COL18A1: variants seen among roughly 807,000 people sequenced by gnomAD.
The protein encoded by COL18A1 is collagen type XVIII alpha 1 chain.
Under a neutral mutation model 168.0 loss-of-function variants are expected in COL18A1, and 133 were observed. That is an observed-to-expected ratio of 0.79 (90% confidence interval 0.69 to 0.91). The LOEUF is 0.91. Ranked by LOEUF, COL18A1 falls within the 40% of genes least tolerant of loss-of-function variation. The pLI is 0.00. For synonymous variants in COL18A1, 949 were observed against 809.0 expected (o/e 1.17, Z -2.94); for missense variants, 2,126 against 1,925.4 (o/e 1.10, Z -1.95).
At chr21:45,505,328 C>T (rs763058687) in intron 35 of COL18A1, 30 bp from the exon 36 acceptor site, 58 of 1,595,452 alleles carry the variant, frequency 3.6e-5, no homozygotes, top group Non-Finnish European at 4.7e-5. Flanking sequence ...CGTGTGGCTT[C>T]GTGTTCCCAC....
chr21:45,486,739 A>C, intron 15 of COL18A1, 122 bp from the exon 16 acceptor site: 1 of 1,126,720 alleles, frequency 8.9e-7, no homozygotes, highest in Non-Finnish European at 1.2e-6. Flanking sequence ...GCTTGGCAGA[A>C]TGTTCCTTAC....
chr21:45,503,642 G>T (rs1486958433), intron 32 of COL18A1, among the ~76,000 whole-genome samples: 3 of 118,514 alleles, frequency 2.5e-5, no homozygotes, highest in South Asian at 7.3e-4. Flanking sequence ...GTTGTGGGGT[G>T]GGGGGAGGGG....
At chr21:45,506,336 C>T in intron 37 of COL18A1, 3 of 359,592 alleles carry the variant, frequency 8.3e-6, no homozygotes, top group East Asian at 7.1e-5. Flanking sequence ...GTGACGTCCA[C>T]AGCACGGCCC....
At chr21:45,504,591 C>G in intron 34 of COL18A1, 35 bp downstream of exon 34, 1 of 1,550,196 alleles carries the variant, frequency 6.5e-7, no homozygotes, top group Non-Finnish European at 8.7e-7. Flanking sequence ...AGCCCATGTC[C>G]CAGGGGTCTG....
At chr21:45,511,056 ACACCCAT>A in intron 40 of COL18A1, 48 bp from the exon 41 acceptor site, 1 of 556,160 alleles carries the variant, frequency 1.8e-6, no homozygotes, top group African/African-American at 3.2e-5. Context: ...ACAAACACCC[ACACCCAT>A]CCACACCCCC....
chr21:45,443,157 G>A lies in COL18A1; in HGVS notation c.107-25085G>A, dbSNP rs1041463410. 2.7e-5 allele frequency among the ~76,000 whole-genome samples: 4 copies of A among 146,664 alleles called. No individual in the cohort carries two copies. Among genetic ancestry groups the A allele is most frequent in the African/African-American group, 5.0e-5 (2 of 40,084 alleles). The stretch of plus-strand genomic sequence containing the variant: ...GGGCGGCGGTGCTGGTGTGGGCGGC[G>A]GTGCTGGTGTGGGTGGATTCCTGGA... On this transcript the variant is annotated intron_variant, in intron 2 of 41. Transcript: ENST00000651438. This position sits in a 1 kb window ranked among gnomAD's most constrained non-coding sequence, Gnocchi z 5.2.
At chr21:45,407,044 G>A (rs1339186314) in intron 2 of COL18A1, among the ~76,000 whole-genome samples, 1 of 150,978 alleles carries the variant, frequency 6.6e-6, no homozygotes, top group Non-Finnish European at 1.5e-5. Flanking sequence ...AGGCTGAAGC[G>A]GAAGCAGGCC....
At chr21:45,428,903 CTTT>C (rs35500358) in intron 2 of COL18A1, among the ~76,000 whole-genome samples, 1 of 145,544 alleles carries the variant, frequency 6.9e-6, no homozygotes. Flanking sequence ...TCTTTCTTTT[CTTT>C]TTTTTTTTTT....
chr21:45,421,394 G>A (rs1346394544), intron 2 of COL18A1: 2 of 533,562 alleles, frequency 3.7e-6, no homozygotes, highest in South Asian at 1.4e-5. Context: ...GCACTGCGGT[G>A]CCTGGAGAGC....
chr21:45,473,796 GC>G lies in COL18A1; in HGVS notation c.652-96del. The G allele has an allele frequency of 4.1e-6, 4 of 978,730 alleles. No homozygotes were observed. In the Admixed American group the frequency reaches 6.0e-5, roughly 15 times the overall value. 60.6% of individuals were successfully genotyped at this position (978,730 alleles called of 1,614,324 possible). A position where few individuals can be genotyped will look rare whatever the true frequency, so the allele number is the denominator to read the frequency against. ...CCCCTTCCCTCTCCGAGACTCTCCT[GC>G]CCTTTGTGGGCCCCCCGAAATCTGG... On this transcript the variant is annotated intron_variant, in intron 3 of 41. Coordinates refer to ENST00000651438, the MANE Select transcript of COL18A1 (RefSeq NM_001379500.1). The surrounding 1 kb of genome is among the most constrained non-coding windows in gnomAD (Gnocchi z 4.0).
intron 2 of COL18A1, among the ~76,000 whole-genome samples, chr21:45,418,266 C>T (rs2033504001): frequency 6.6e-6 from 1 of 152,206 alleles, no homozygotes; most frequent in Non-Finnish European, 1.5e-5. Context: ...TGCATCCCGG[C>T]CCCCGGCTGC....
In COL18A1 at chr21:45,447,365, G is replaced by A. The variant is rs117307749; in HGVS notation, c.107-20877G>A. Among the ~76,000 whole-genome samples, 42 of 151,680 alleles carry A rather than the reference G, an allele frequency of 2.8e-4. No homozygotes were observed. In the East Asian group the frequency reaches 4.8e-3, roughly 17 times the overall value. On this transcript the variant is annotated intron_variant, in intron 2 of 41. Coordinates refer to ENST00000651438, the MANE Select transcript of COL18A1 (RefSeq NM_001379500.1). ...ATAAATGAGCTCAACAAGGTTGCAG[G>A]GTATAAAATCAGTATAGAAAAATCT...
In COL18A1 at chr21:45,495,438, T is replaced by A. The variant is rs1341066491; in HGVS notation, c.2508+6T>A. On this transcript the variant is annotated splice_donor_region_variant and intron_variant, in intron 29 of 41. Transcript: ENST00000651438. ...GCCTTGGATTTGGCATGAGGGTGAG[T>A]GTCTCTCAAGGGGCGGACTGGGTGG... 1.9e-6 allele frequency: 3 copies of A among 1,604,700 alleles called. No individual in the cohort carries two copies. In the South Asian group the frequency reaches 3.3e-5, roughly 18 times the overall value.
intron 2 of COL18A1, 95 bp downstream of exon 2, chr21:45,405,568 G>C (rs945129216): frequency 1.3e-6 from 1 of 744,690 alleles, no homozygotes; most frequent in Non-Finnish European, 1.8e-6. Flanking sequence ...CCCCCGCCCC[G>C]GCCGCTCTGG....
intron 9 of COL18A1, among the ~76,000 whole-genome samples, chr21:45,479,419 C>A (rs1304697744): frequency 1.3e-5 from 2 of 151,842 alleles, no homozygotes; most frequent in Non-Finnish European, 2.9e-5. Flanking sequence ...GCACACATCA[C>A]ACGTGGACAC....
chr21:45,459,287 G>GC (rs1042906842), intron 2 of COL18A1, among the ~76,000 whole-genome samples: 6 of 152,222 alleles, frequency 3.9e-5, no homozygotes, highest in Non-Finnish European at 7.3e-5. Flanking sequence ...TGGGTGAGGG[G>GC]CAGGAGGAGG....
In COL18A1 at chr21:45,493,679, C is replaced by T. The variant is rs544068817; in HGVS notation, c.2352+104C>T. ...AGGGTCTGGCTCCTGATGCACGAGC[C>T]TCTCCCAAGCAGGGCTCTACCATCC... On this transcript the variant is annotated intron_variant, in intron 26 of 41. Transcript: ENST00000651438. 383 of 859,732 alleles carry T rather than the reference C, an allele frequency of 4.5e-4. 5 individuals carry two copies. In the East Asian group the frequency reaches 9.4e-3, roughly 21 times the overall value. The allele number at this position is 859,732 out of a possible 1,614,324, so 53.3% of individuals were successfully genotyped here.
chr21:45,461,270 T>A (rs1363294010), intron 2 of COL18A1, among the ~76,000 whole-genome samples: 1 of 152,070 alleles, frequency 6.6e-6, no homozygotes, highest in Non-Finnish European at 1.5e-5. Flanking sequence ...AAACAAAAGC[T>A]AAGGGGGTTA....
intron 2 of COL18A1, among the ~76,000 whole-genome samples, chr21:45,438,105 CACTCAG>C (rs1471360253): frequency 7.9e-5 from 9 of 113,588 alleles, no homozygotes; most frequent in Non-Finnish European, 1.2e-4. Context: ...CTCACACTCA[CACTCAG>C]ACACACAGGC....
Sources: gnomAD v4.1 joint callset for allele counts (sites outside exome capture counted in the v4.1 genomes callset) on GRCh38, gnomAD v4.1.1 for gene constraint, Gnocchi (gnomAD v3.1) non-coding constraint, MANE v1.5 for transcripts, NCBI Gene and HGNC (gene_info 2026-07-23, HGNC 2026-07-21) for gene names.